The following TGFBR3 variants were observed in gnomAD, a reference collection of about 807,000 sequenced individuals.
TGFBR3 encodes transforming growth factor beta receptor 3, also known as transforming growth factor beta receptor type 3.
TGFBR3 carries 46 observed loss-of-function variants against 87.9 expected under a neutral mutation model. The observed-to-expected ratio is 0.52, with a 90% CI of 0.41 to 0.67. TGFBR3 has a LOEUF of 0.67. TGFBR3 is among the 30% of genes least tolerant of loss of function. TGFBR3 has a pLI of 0.00. For missense variants in TGFBR3, 866 were observed against 1,041.9 expected, an observed-to-expected ratio of 0.83 and a Z score of 2.32; for synonymous variants, 381 against 391.6, an observed-to-expected ratio of 0.97 and a Z score of 0.32.
upstream of TGFBR3, among the ~76,000 whole-genome samples, chr1:91,886,504 C>T (rs921279023): frequency 4.6e-5 from 7 of 152,214 alleles, no homozygotes; most frequent in Non-Finnish European, 1.5e-5. Context: ...TGGGCACGAG[C>T]TGCGGGGACT....
intron 12 of TGFBR3, among the ~76,000 whole-genome samples, chr1:91,714,082 C>T (rs1208063980): frequency 6.6e-6 from 1 of 151,332 alleles, no homozygotes; most frequent in African/African-American, 2.4e-5. Flanking sequence ...TACTTTTAGA[C>T]CAGAAGTGAG....
At chr1:91,798,264 A>G (rs934124745) in intron 2 of TGFBR3, among the ~76,000 whole-genome samples, 21 of 152,044 alleles carry the variant, frequency 1.4e-4, no homozygotes, top group African/African-American at 5.1e-4. Flanking sequence ...ACCTAGAGGC[A>G]CTCAATGTTA....
At chr1:91,759,338 C>G (rs1042330957) in intron 3 of TGFBR3, among the ~76,000 whole-genome samples, 8 of 129,548 alleles carry the variant, frequency 6.2e-5, no homozygotes, top group Non-Finnish European at 4.6e-5. Context: ...AGAAATGAAG[C>G]ACAGAGGACA....
chr1:91,706,342 C>T (rs574732005), intron 14 of TGFBR3, among the ~76,000 whole-genome samples: 45 of 152,078 alleles, frequency 3.0e-4, no homozygotes, highest in Non-Finnish European at 5.4e-4. Context: ...AGAAGCCAGC[C>T]GAAACTGGCC....
chr1:91,695,678 G>C lies in TGFBR3; in HGVS notation c.2431C>G (p.His811Asp). ...LTGALWYIYS[H>D]TGETAGRQQV... ...ACTCAACAGTCACACTAACCTGTGT[G>C]AGAATAGATGTACCACAAGGCCCCC... The change falls in exon 16 of 17, where the codon CAC becomes GAC. Residue 811 changes from histidine to aspartate, a missense_variant. His to Asp is a moderately conservative substitution (Grantham distance 81, BLOSUM62 -1). Coordinates refer to ENST00000212355, the MANE Select transcript of TGFBR3 (RefSeq NM_003243.5). 5 of 1,613,802 alleles carry C rather than the reference G, an allele frequency of 3.1e-6. No homozygotes were observed. The highest frequency in any genetic ancestry group is 4.2e-6 in the Non-Finnish European group (5 of 1,179,678).
rs747398767 is a variant in TGFBR3, at chr1:91,861,560, C to T, written c.-29G>A. 5 of 1,573,824 alleles carry T rather than the reference C, an allele frequency of 3.2e-6. No individual in the cohort carries two copies. In the South Asian group the frequency reaches 4.4e-5, roughly 14 times the overall value. On this transcript the variant is annotated 5_prime_UTR_variant, in exon 2 of 17. Transcript: ENST00000212355. The stretch of plus-strand genomic sequence containing the variant: ...TATTTCTCCAACAGTGCGTCTCGTC[C>T]AGTCACTTCAGCCTGCTCAGAGCAC...
intron 2 of TGFBR3, among the ~76,000 whole-genome samples, chr1:91,827,010 C>T (rs542392675): frequency 2.3e-4 from 35 of 152,268 alleles, no homozygotes; most frequent in Middle Eastern, 3.4e-3. Flanking sequence ...ACAGGCCTTT[C>T]CTATTAAAAC....
intron 2 of TGFBR3, among the ~76,000 whole-genome samples, chr1:91,813,228 A>G (rs945714276): frequency 1.3e-5 from 2 of 152,230 alleles, no homozygotes; most frequent in Non-Finnish European, 2.9e-5. Context: ...CACTGTCCAC[A>G]GTAATCTAAT....
At chr1:91,724,839 C>A (rs1264269933) in intron 7 of TGFBR3, among the ~76,000 whole-genome samples, 1 of 152,202 alleles carries the variant, frequency 6.6e-6, no homozygotes, top group Non-Finnish European at 1.5e-5. Context: ...TGCCTCCACA[C>A]TCCCCCATAT....
At chr1:91,822,262 T>C (rs1441178031) in intron 2 of TGFBR3, among the ~76,000 whole-genome samples, 1 of 138,724 alleles carries the variant, frequency 7.2e-6, no homozygotes, top group East Asian at 2.2e-4. Context: ...TATCTCCTAG[T>C]GCCCGCTGTA....
chr1:91,680,718 T>C lies in TGFBR3; in HGVS notation c.*3021A>G. 2.2e-6 allele frequency: 1 copy of C among 454,056 alleles called. No homozygotes were observed. 28.1% of individuals were successfully genotyped at this position (454,056 alleles called of 1,614,324 possible). On this transcript the variant is annotated 3_prime_UTR_variant, in exon 17 of 17. Coordinates refer to ENST00000212355, the MANE Select transcript of TGFBR3 (RefSeq NM_003243.5). ...TGTGCTCTGTTAACACAACCAGCAG[T>C]ACAATCATCATTCAAACCATGAGGT...
At chr1:91,875,404 A>G (rs1678744900) in intron 1 of TGFBR3, among the ~76,000 whole-genome samples, 1 of 152,102 alleles carries the variant, frequency 6.6e-6, no homozygotes, top group African/African-American at 2.4e-5. Context: ...GAACAACCAG[A>G]TGGCACTGTC....
chr1:91,728,952 G>C (rs749339417), intron 6 of TGFBR3, among the ~76,000 whole-genome samples: 12 of 151,982 alleles, frequency 7.9e-5, no homozygotes, highest in Non-Finnish European at 1.5e-4. Context: ...AGGAAGCTGA[G>C]AGGGAGAACA....
intron 13 of TGFBR3, among the ~76,000 whole-genome samples, chr1:91,710,695 C>T (rs1220650247): frequency 6.6e-6 from 1 of 152,164 alleles, no homozygotes; most frequent in Non-Finnish European, 1.5e-5. Flanking sequence ...ATTGTACATA[C>T]TGTCCTATTT....
chr1:91,860,053 C>A (rs1678119076), intron 2 of TGFBR3, among the ~76,000 whole-genome samples: 1 of 152,104 alleles, frequency 6.6e-6, no homozygotes, highest in Non-Finnish European at 1.5e-5. Context: ...TAAGGGAGAT[C>A]TGGTTTCTTC....
chr1:91,873,715 G>A (rs913203030), intron 1 of TGFBR3, among the ~76,000 whole-genome samples: 2 of 152,188 alleles, frequency 1.3e-5, no homozygotes, highest in Non-Finnish European at 2.9e-5. Context: ...GGGAGGCCAA[G>A]GCGGGTGGAT....
At position 91,719,922 on chromosome 1, in the gene TGFBR3, T is replaced by C. The variant is rs1301001093; in HGVS notation, c.1384A>G (p.Ile462Val). ...AAAGAATCTTTTTCTACAGCCACGATCATCTTCTCATTGTCACATTTGACA... is the reference window on the plus strand; with the variant it reads ...AAAGAATCTTTTTCTACAGCCACGACCATCTTCTCATTGTCACATTTGACA... Reference protein sequence around the residue: ...LSVKCDNEKMIVAVEKDSFQA... With the variant: ...LSVKCDNEKMVVAVEKDSFQA... The change falls in exon 9 of 17, where the codon ATC (isoleucine) becomes GTC (valine). Residue 462 changes from isoleucine to valine, a missense_variant. Transcript: ENST00000212355. 1.9e-6 allele frequency: 3 copies of C among 1,614,054 alleles called. No individual in the cohort carries two copies. Among genetic ancestry groups the C allele is most frequent in the Non-Finnish European group, 2.5e-6 (3 of 1,180,036 alleles).
chr1:91,812,030 CAAACCTTCGT>C (rs1267681999), intron 2 of TGFBR3, among the ~76,000 whole-genome samples: 4 of 152,098 alleles, frequency 2.6e-5, no homozygotes, highest in Non-Finnish European at 5.9e-5. Context: ...TCCTCCCAAG[CAAACCTTCGT>C]AAACCACACT....
intron 3 of TGFBR3, among the ~76,000 whole-genome samples, chr1:91,770,646 CA>C (rs768562164): frequency 6.6e-5 from 10 of 152,128 alleles, no homozygotes; most frequent in Non-Finnish European, 1.3e-4. Flanking sequence ...ACAATATCCT[CA>C]AAAATTAGGT....
Sources: gnomAD v4.1 joint callset for allele counts (sites outside exome capture counted in the v4.1 genomes callset) on GRCh38, gnomAD v4.1.1 for gene constraint, MANE v1.5 for transcripts, NCBI Gene and HGNC (gene_info 2026-07-23, HGNC 2026-07-21) for gene names.